SPMIP11: variants seen among roughly 807,000 people sequenced by gnomAD.
SPMIP11 encodes long intergenic non-protein coding RNA 935.
At chr12:48,733,633 G>C in the SPMIP11 span, among the ~76,000 whole-genome samples, 1 of 151,906 alleles carries the variant, frequency 6.6e-6, no homozygotes, top group African/African-American at 2.4e-5. Flanking sequence ...ACCTGTTACT[G>C]CTTGGAAAAA....
At chr12:48,759,076 T>C in the SPMIP11 span, 2 of 607,450 alleles carry the variant, frequency 3.3e-6, no homozygotes. Flanking sequence ...ATTGGATTCC[T>C]GAGGTCCTGA....
chr12:48,738,690 A>C, the SPMIP11 span, among the ~76,000 whole-genome samples: 1 of 152,036 alleles, frequency 6.6e-6, no homozygotes, highest in Non-Finnish European at 1.5e-5. Flanking sequence ...GCCCGCCACC[A>C]CGTATGGCAC....
the SPMIP11 span, among the ~76,000 whole-genome samples, chr12:48,761,167 C>T: frequency 6.6e-6 from 1 of 151,610 alleles, no homozygotes; most frequent in African/African-American, 2.4e-5. Context: ...AAACATACAC[C>T]TGGGCACAGT....
the SPMIP11 span, among the ~76,000 whole-genome samples, chr12:48,739,550 G>T: frequency 6.6e-6 from 1 of 152,112 alleles, no homozygotes; most frequent in Non-Finnish European, 1.5e-5. Flanking sequence ...CTGTCCCATG[G>T]TTCTACAGGC....
At chr12:48,765,610 T>C in the SPMIP11 span, 2 of 702,870 alleles carry the variant, frequency 2.8e-6, no homozygotes, top group African/African-American at 3.5e-5. Flanking sequence ...TTTCCAGGTT[T>C]ATGGATCACT....
chr12:48,768,891 C>T, the SPMIP11 span: 2 of 1,575,874 alleles, frequency 1.3e-6, no homozygotes, highest in Non-Finnish European at 1.7e-6. Flanking sequence ...CTGTGGAAGC[C>T]CTCCGGGCCC....
At chr12:48,738,093 G>A in the SPMIP11 span, among the ~76,000 whole-genome samples, 4 of 151,924 alleles carry the variant, frequency 2.6e-5, no homozygotes, top group Admixed American at 6.6e-5. Context: ...CCAAAGTGCT[G>A]GGATTACAGG....
the SPMIP11 span, among the ~76,000 whole-genome samples, chr12:48,760,331 G>T: frequency 6.6e-6 from 1 of 151,316 alleles, no homozygotes; most frequent in African/African-American, 2.4e-5. Flanking sequence ...GCACCACCAA[G>T]CCTGGCTAAT....
chr12:48,735,485 T>C, the SPMIP11 span, among the ~76,000 whole-genome samples: 2 of 152,122 alleles, frequency 1.3e-5, no homozygotes, highest in Non-Finnish European at 2.9e-5. Context: ...CTCAGGAGGC[T>C]GAGGCAGGAG....
the SPMIP11 span, chr12:48,736,017 AT>A: frequency 2.4e-6 from 1 of 419,304 alleles, no homozygotes; most frequent in Non-Finnish European, 4.7e-6. Context: ...TCTTACAACT[AT>A]GTAAAAAAGT....
At chr12:48,735,810 G>T in the SPMIP11 span, among the ~76,000 whole-genome samples, 2 of 152,030 alleles carry the variant, frequency 1.3e-5, no homozygotes, top group Admixed American at 1.3e-4. Flanking sequence ...CTTGAACCCG[G>T]GAGGTGGAGG....
chr12:48,749,504 T>A, the SPMIP11 span, among the ~76,000 whole-genome samples: 1 of 151,118 alleles, frequency 6.6e-6, no homozygotes, highest in Non-Finnish European at 1.5e-5. Flanking sequence ...GGCGTATGCC[T>A]GTAATCCCAG....
At chr12:48,732,982 C>A in the SPMIP11 span, among the ~76,000 whole-genome samples, 2 of 151,568 alleles carry the variant, frequency 1.3e-5, no homozygotes, top group Admixed American at 6.6e-5. Flanking sequence ...CGAGACCGTG[C>A]CATTGCACTC....
At chr12:48,728,237 C>T in the SPMIP11 span, among the ~76,000 whole-genome samples, 3,350 of 152,068 alleles carry the variant, frequency 0.022, 61 homozygotes, top group Non-Finnish European at 0.033. Context: ...ACAAAAATTG[C>T]AATATATTGT....
the SPMIP11 span, among the ~76,000 whole-genome samples, chr12:48,750,284 T>C: frequency 6.6e-6 from 1 of 152,050 alleles, no homozygotes; most frequent in Non-Finnish European, 1.5e-5. Context: ...ACCCAGGAGA[T>C]TGAGGATGCA....
chr12:48,755,951 C>T, the SPMIP11 span, among the ~76,000 whole-genome samples: 1 of 146,920 alleles, frequency 6.8e-6, no homozygotes. Context: ...GATCTCAGCT[C>T]ACTGCAAGCT....
the SPMIP11 span, among the ~76,000 whole-genome samples, chr12:48,735,021 A>AG: frequency 6.0e-5 from 9 of 150,802 alleles, no homozygotes; most frequent in South Asian, 2.1e-4. Context: ...AAAAAAAAAA[A>AG]AAGAAGAGGA....
chr12:48,747,020 TAC>T, the SPMIP11 span, among the ~76,000 whole-genome samples: 3 of 152,184 alleles, frequency 2.0e-5, no homozygotes, highest in Non-Finnish European at 4.4e-5. Flanking sequence ...CTTCAGATGG[TAC>T]AGTTTTCTTA....
the SPMIP11 span, among the ~76,000 whole-genome samples, chr12:48,728,332 TG>T: frequency 6.6e-6 from 1 of 151,474 alleles, no homozygotes; most frequent in African/African-American, 2.4e-5. Flanking sequence ...AACGGGGGAG[TG>T]GAGGATGGGG....
Sources: gnomAD v4.1 joint callset for allele counts (sites outside exome capture counted in the v4.1 genomes callset) on GRCh38, gnomAD v4.1.1 for gene constraint, MANE v1.5 for transcripts, NCBI Gene and HGNC (gene_info 2026-07-23, HGNC 2026-07-21) for gene names.